The following TNC variants were observed in gnomAD, a reference collection of about 807,000 sequenced individuals.
The protein encoded by TNC is tenascin C, also known as tenascin.
TNC carries 109 observed loss-of-function variants against 202.4 expected under a neutral mutation model. That is an observed-to-expected ratio of 0.54 (90% CI 0.46 to 0.63). The LOEUF (loss-of-function observed/expected upper bound fraction) is 0.63, where lower values mean the gene tolerates loss of function less well. Ranked by LOEUF, TNC falls within the 30% of genes least tolerant of loss-of-function variation. The probability of loss-of-function intolerance (pLI) is 0.00; values close to 1 mark genes in which losing one functional copy is unlikely to be tolerated. For missense variants in TNC, 2,756 were observed against 2,833.3 expected (o/e 0.97, Z 0.62); for synonymous variants, 1,007 against 1,089.7 (o/e 0.92, Z 1.50).
chr9:115,054,660 G>C (rs1384171672), intron 15 of TNC, among the ~76,000 whole-genome samples: 2 of 152,232 alleles, frequency 1.3e-5, no homozygotes, highest in Admixed American at 1.3e-4. Flanking sequence ...GATAGTGGTA[G>C]TTAGGGTATG....
intron 10 of TNC, among the ~76,000 whole-genome samples, chr9:115,070,327 G>A (rs992366291): frequency 3.9e-5 from 6 of 152,128 alleles, no homozygotes; most frequent in Non-Finnish European, 7.4e-5. Context: ...GGAAAAGAGT[G>A]GTATCCAGGG....
chr9:115,101,951 T>A (rs1454177744), intron 1 of TNC, among the ~76,000 whole-genome samples: 2 of 152,230 alleles, frequency 1.3e-5, no homozygotes, highest in Non-Finnish European at 2.9e-5. Flanking sequence ...ATCATCACCA[T>A]CATAAGTAAT....
chr9:115,050,247 GT>G (rs566069241), intron 15 of TNC, among the ~76,000 whole-genome samples: 1 of 152,038 alleles, frequency 6.6e-6, no homozygotes, highest in Non-Finnish European at 1.5e-5. Context: ...CTCCTGTTTT[GT>G]TTTTTTCTTT....
At position 115,060,011 on chromosome 9, in the gene TNC, G is replaced by A; in HGVS notation, c.4034-9C>T. Reference sequence around the variant, plus strand: ...CAGCTGTGGGAGATCCTCTGAAGAAGGACAGAAAAGTATTTGTCAGTTCTA... The same window carrying A: ...CAGCTGTGGGAGATCCTCTGAAGAAAGACAGAAAAGTATTTGTCAGTTCTA... On this transcript the variant is annotated splice_polypyrimidine_tract_variant and intron_variant, in intron 13 of 27. Coordinates refer to ENST00000350763, the MANE Select transcript of TNC (RefSeq NM_002160.4). 6.2e-7 allele frequency: 1 copy of A among 1,604,362 alleles called. No individual in the cohort carries two copies. Among genetic ancestry groups the A allele is most frequent in the Non-Finnish European group, 8.5e-7 (1 of 1,174,278 alleles).
At chr9:115,101,713 G>A (rs1836251337) in intron 1 of TNC, among the ~76,000 whole-genome samples, 1 of 152,170 alleles carries the variant, frequency 6.6e-6, no homozygotes, top group Non-Finnish European at 1.5e-5. Context: ...CAAGTAAGGA[G>A]CTATTTTTTG....
chr9:115,050,824 G>A (rs1588064597), intron 15 of TNC, among the ~76,000 whole-genome samples: 1 of 152,148 alleles, frequency 6.6e-6, no homozygotes, highest in Non-Finnish European at 1.5e-5. Context: ...CTCTCTCCAT[G>A]CATAAGGAAA....
chr9:115,019,780 G>A lies in TNC; in HGVS notation c.*1377C>T, dbSNP rs1178289900. ...AAATGTTCTGAAATGAGAAGTATGA[G>A]TGTCCCTACTTTACAGAAGAGGAAA... On this transcript the variant is annotated 3_prime_UTR_variant, in exon 28 of 28. Transcript: ENST00000350763. 6.6e-6 allele frequency: 1 copy of A among 152,162 alleles called. No individual in the cohort carries two copies. The highest frequency in any genetic ancestry group is 1.5e-5 in the Non-Finnish European group (1 of 68,040). The allele number at this position is 152,162 out of a possible 1,614,324, so 9.4% of individuals were successfully genotyped here.
chr9:115,084,223 G>T lies in TNC; in HGVS notation c.2117C>A (p.Ala706Asp). Residue 706 changes from alanine (A) to aspartate (D), a missense_variant, in exon 4 of 28, where the codon GCC becomes GAC. By Grantham distance (126) the Ala-to-Asp change is moderately radical (BLOSUM62 -2). Around this residue, in one of 2 missense-constraint regions of TNC, gnomAD observed 2,559 missense variants for 2,546.0 expected, o/e 1.01. Coordinates refer to ENST00000350763, the MANE Select transcript of TNC (RefSeq NM_002160.4). ...TGCTCACTCACACGTGGCCACCCTGGCGCTGACAGGAATGCTCTTCTTGTT... is the reference window on the plus strand; with the variant it reads ...TGCTCACTCACACGTGGCCACCCTGTCGCTGACAGGAATGCTCTTCTTGTT... ...LENKKSIPVS[A>D]RVATYLPAPE... is the part of the protein sequence containing the mutation. The T allele has an allele frequency of 1.2e-6, 2 of 1,614,094 alleles. No individual in the cohort carries two copies.
In TNC at chr9:115,038,383, G is replaced by T; in HGVS notation, c.5393-3C>A. 1 of 1,613,676 alleles carries T rather than the reference G, an allele frequency of 6.2e-7. No homozygotes were observed. The highest frequency in any genetic ancestry group is 8.5e-7 in the Non-Finnish European group (1 of 1,179,714). ...CAGGCCAGATGGGCCATCCAGAGCT[G>T]CAAAGAAAGATGGTGGACAGGAGGG... On this transcript the variant is annotated splice_region_variant and splice_polypyrimidine_tract_variant and intron_variant, in intron 19 of 27. Transcript: ENST00000350763.
chr9:115,053,697 A>G (rs563253670), intron 15 of TNC, among the ~76,000 whole-genome samples: 6 of 152,296 alleles, frequency 3.9e-5, no homozygotes, highest in Admixed American at 2.6e-4. Flanking sequence ...TGTTTGCACA[A>G]ATTAAAGGCT....
chr9:115,117,358 C>A (rs1286767955), intron 1 of TNC, among the ~76,000 whole-genome samples: 1 of 152,126 alleles, frequency 6.6e-6, no homozygotes, highest in Non-Finnish European at 1.5e-5. Context: ...GCTCTAGGCA[C>A]CCCAGTAAAG....
intron 2 of TNC, among the ~76,000 whole-genome samples, 176 bp from the exon 3 acceptor site, chr9:115,087,449 T>C (rs1834857971): frequency 6.6e-6 from 1 of 152,146 alleles, no homozygotes; most frequent in African/African-American, 2.4e-5. Context: ...CATCCTGTTA[T>C]ACCAGGTAGG....
At chr9:115,061,153 G>T (rs746673124) in intron 13 of TNC, among the ~76,000 whole-genome samples, 2 of 152,164 alleles carry the variant, frequency 1.3e-5, no homozygotes, top group African/African-American at 2.4e-5. Flanking sequence ...AATATCTGCA[G>T]GGATTTCAAC....
intron 12 of TNC, among the ~76,000 whole-genome samples, chr9:115,063,551 A>T (rs1434746023): frequency 6.6e-6 from 1 of 152,156 alleles, no homozygotes; most frequent in Non-Finnish European, 1.5e-5. Flanking sequence ...ACTGAAACTT[A>T]CTTTGAAAGA....
In TNC at chr9:115,108,561, C is replaced by T. The variant is rs571493748; in HGVS notation, c.-137+9421G>A. On this transcript the variant is annotated intron_variant, in intron 1 of 27. Coordinates refer to ENST00000350763, the MANE Select transcript of TNC (RefSeq NM_002160.4). ...CCACCAGTCATTGTTTATGCCCTTA[C>T]CTTGTTTTGTCTTTCTTCTTAGCAA... Among the ~76,000 whole-genome samples the T allele has an allele frequency of 2.6e-5, 4 of 152,298 alleles. No homozygotes were observed. The South Asian group carries it at 8.3e-4, about 32-fold the overall frequency.
At chr9:115,067,656 C>T (rs1833055251) in intron 10 of TNC, among the ~76,000 whole-genome samples, 1 of 152,038 alleles carries the variant, frequency 6.6e-6, no homozygotes, top group African/African-American at 2.4e-5. Context: ...CATCTTATCT[C>T]TTTGAATCGG....
chr9:115,108,692 T>A (rs1391217965), intron 1 of TNC, among the ~76,000 whole-genome samples: 4 of 152,198 alleles, frequency 2.6e-5, no homozygotes, highest in Non-Finnish European at 5.9e-5. Context: ...ATCCACACAT[T>A]GGAACATAAT....
intron 17 of TNC, 63 bp from the exon 18 acceptor site, chr9:115,042,404 C>A: frequency 6.3e-7 from 1 of 1,587,772 alleles, no homozygotes; most frequent in South Asian, 1.1e-5. Context: ...ATCAATGGTT[C>A]TTCCTGAATT....
In TNC at chr9:115,073,776, C is replaced by T. The variant is rs770461043; in HGVS notation, c.3041G>A (p.Arg1014His). ...GGGGAGACTGTAATTGAGGCGGTAGCGGTCAAATTTGGCCAACGGTGTCTT... is the reference window on the plus strand; with the variant it reads ...GGGGAGACTGTAATTGAGGCGGTAGTGGTCAAATTTGGCCAACGGTGTCTT... ...LWKTPLAKFD[R>H]YRLNYSLPTG... The change falls in exon 10 of 28, where the codon CGC becomes CAC. Residue 1014 changes from arginine (R) to histidine (H), a missense_variant. This residue lies in a region of TNC where 2,559 missense variants were observed against 2,546.0 expected (regional missense o/e 1.01). Coordinates refer to ENST00000350763, the MANE Select transcript of TNC (RefSeq NM_002160.4). The T allele has an allele frequency of 3.0e-5, 48 of 1,614,008 alleles. No homozygotes were observed. Among genetic ancestry groups the T allele is most frequent in the Admixed American group, 1.7e-4 (10 of 60,000 alleles).
Sources: allele counts gnomAD v4.1 joint callset (sites outside exome capture counted in the v4.1 genomes callset), GRCh38; gene constraint gnomAD v4.1.1; regional missense constraint gnomAD v4.1.1; transcripts MANE v1.5; gene names NCBI Gene and HGNC (gene_info 2026-07-23, HGNC 2026-07-21).